The following TNRC18 variants were observed in gnomAD, a reference collection of about 807,000 sequenced individuals.
TNRC18 encodes trinucleotide repeat-containing gene 18 protein.
In TNRC18, 69 loss-of-function variants were observed where a neutral mutation model predicts 226.7. The ratio of observed to expected loss-of-function variants is 0.30; its 90% confidence interval spans 0.25 to 0.37. TNRC18 has a LOEUF of 0.37. TNRC18 is among the 10% of genes least tolerant of loss of function. The pLI, the probability that TNRC18 is intolerant of heterozygous loss-of-function variation, is 1.00. For synonymous variants in TNRC18, 2,449 were observed against 1,927.6 expected (o/e 1.27, Z -7.09); for missense variants, 4,754 against 4,256.6 (o/e 1.12, Z -3.25).
At position 5,307,849 on chromosome 7, in the gene TNRC18, C is replaced by G. The variant is rs978901495; in HGVS notation, c.*257G>C. The G allele has an allele frequency of 9.2e-6, 5 of 545,712 alleles. No homozygotes were observed. The highest frequency in any genetic ancestry group is 1.7e-5 in the Non-Finnish European group (5 of 301,378). The allele number at this position is 545,712 out of a possible 1,614,324, so 33.8% of individuals were successfully genotyped here. On this transcript the variant is annotated 3_prime_UTR_variant, in exon 30 of 30. Coordinates refer to ENST00000430969, the MANE Select transcript of TNRC18 (RefSeq NM_001080495.3). ...GGCAGGAAGGGCCGGTCCGGCCATA[C>G]CCTGATAGCTAAGAGGGGCCCCTGT...
In TNRC18 at chr7:5,370,982, C is replaced by G. The variant is rs1794093635; in HGVS notation, c.3612G>C (p.Gln1204His). ...AGCTCTGCCCGGTGGCACTCAGCGC[C>G]TGGGCCTCCAACAGGCCACCTCCAC... ...GGCGGGLLEA[Q>H]ALSATGQSCA... The change falls in exon 11 of 30, where the codon CAG (glutamine) becomes CAC (histidine). Residue 1204 changes from glutamine (Q) to histidine (H), a missense_variant. Gln to His is a conservative substitution (Grantham distance 24). Coordinates refer to ENST00000430969, the MANE Select transcript of TNRC18 (RefSeq NM_001080495.3). 2.5e-6 allele frequency: 4 copies of G among 1,606,212 alleles called. No homozygotes were observed. Among genetic ancestry groups the G allele is most frequent in the Non-Finnish European group, 3.4e-6 (4 of 1,179,732 alleles).
chr7:5,312,304 G>T lies in TNRC18; in HGVS notation c.8388+199C>A, dbSNP rs1787308292. 6.6e-6 allele frequency among the ~76,000 whole-genome samples: 1 copy of T among 152,182 alleles called. No homozygotes were observed. The highest frequency in any genetic ancestry group is 1.5e-5 in the Non-Finnish European group (1 of 68,032). On this transcript the variant is annotated intron_variant, in intron 27 of 29. Transcript: ENST00000430969. The surrounding 1 kb of genome is among the most constrained non-coding windows in gnomAD (Gnocchi z 6.3). ...GGACCACTCTGCTCTGAAGGACTCG[G>T]GCATCGGAGTCCGACAGACCCAGGT...
intron 2 of TNRC18, among the ~76,000 whole-genome samples, chr7:5,396,909 C>T (rs1269303876): frequency 6.6e-6 from 1 of 152,194 alleles, no homozygotes; most frequent in Non-Finnish European, 1.5e-5. Flanking sequence ...GCTCACTGAC[C>T]GCCTCCCAGG....
intron 19 of TNRC18, among the ~76,000 whole-genome samples, chr7:5,331,762 T>C (rs1255153460): frequency 1.3e-5 from 2 of 152,076 alleles, no homozygotes; most frequent in Non-Finnish European, 2.9e-5. Flanking sequence ...ATTTAAAAAT[T>C]AGCTGGGCAC....
In TNRC18 at chr7:5,370,760, G is replaced by A. The variant is rs747467003; in HGVS notation, c.3834C>T (p.Gly1278=). The change falls in exon 11 of 30, where the codon GGC becomes GGT. Residue 1278 remains glycine (G), a synonymous_variant. Transcript: ENST00000430969. ...ACTCGCTCGGTGCCACCTGCGCCAGGCCTTCCTCGGGCACTGCCTCCACCA... is the reference window on the plus strand; with the variant it reads ...ACTCGCTCGGTGCCACCTGCGCCAGACCTTCCTCGGGCACTGCCTCCACCA... ...VPVVEAVPEE[G]LAQVAPSESQ... is the part of the protein sequence containing the mutation. 2.5e-6 allele frequency: 4 copies of A among 1,603,234 alleles called. No individual in the cohort carries two copies. In the Middle Eastern group the frequency reaches 5.0e-4, roughly 199 times the overall value.
At chr7:5,325,724 ATTTTTT>A (rs66514806) in intron 19 of TNRC18, 5 of 62,854 alleles carry the variant, frequency 8.0e-5, no homozygotes, top group African/African-American at 1.5e-4. Flanking sequence ...GCGCCCTGCA[ATTTTTT>A]TTTTTTTTTT....
At chr7:5,423,221 G>A (rs993255726) in intron 1 of TNRC18, 2 of 152,152 alleles carry the variant, frequency 1.3e-5, no homozygotes, top group African/African-American at 2.4e-5. Context: ...GCGGGGCTGG[G>A]GGCTCGCGTG....
rs151300673 is a variant in TNRC18 at position 5,309,424 on chromosome 7, C to A, written c.8389-56G>T. ...CCTGGCCCAGCCCCAAGGAGCCCGCCGCCTGGCAGGCTCTGCCGCTTGGGA... is the reference window on the plus strand; with the variant it reads ...CCTGGCCCAGCCCCAAGGAGCCCGCAGCCTGGCAGGCTCTGCCGCTTGGGA... On this transcript the variant is annotated intron_variant, in intron 27 of 29. Transcript: ENST00000430969. The surrounding 1 kb of genome is among the most constrained non-coding windows in gnomAD (Gnocchi z 5.7). 2 of 1,499,816 alleles carry A rather than the reference C, an allele frequency of 1.3e-6. No homozygotes were observed. The highest frequency in any genetic ancestry group is 1.8e-6 in the Non-Finnish European group (2 of 1,109,918). 92.9% of individuals were successfully genotyped at this position (1,499,816 alleles called of 1,614,324 possible).
chr7:5,351,586 C>T (rs2128146346), intron 17 of TNRC18, among the ~76,000 whole-genome samples: 1 of 152,268 alleles, frequency 6.6e-6, no homozygotes. Context: ...AAAGAGCCAG[C>T]CGGGGATATT....
intron 16 of TNRC18, among the ~76,000 whole-genome samples, chr7:5,353,561 A>AG (rs774458502): frequency 8.8e-5 from 11 of 124,508 alleles, no homozygotes; most frequent in African/African-American, 3.3e-4. Context: ...CATCATCTAA[A>AG]GAAAAAAAAA....
intron 16 of TNRC18, among the ~76,000 whole-genome samples, chr7:5,355,251 A>G (rs1792231592): frequency 6.6e-6 from 1 of 151,870 alleles, no homozygotes; most frequent in Non-Finnish European, 1.5e-5. Context: ...GGCCATAACC[A>G]TGAGGACGCT....
rs1334617192 is a variant in TNRC18, at chr7:5,388,241, G to A, written c.1583C>T (p.Ala528Val). ...FAATQMAVLA[A>V]QHHHSRAEEE... ...TTCGGCGCGGCTGTGGTGGTGCTGC[G>A]CGGCCAGCACGGCCATCTGCGTGGC... is the stretch of plus-strand genomic sequence containing the variant. Residue 528 changes from alanine (A) to valine (V), a missense_variant, in exon 5 of 30, where the codon GCG (alanine) becomes GTG (valine). Physicochemically the swap from Ala to Val is moderately conservative, Grantham distance 64. Transcript: ENST00000430969. 2.5e-6 allele frequency: 4 copies of A among 1,606,768 alleles called. No homozygotes were observed. The highest frequency in any genetic ancestry group is 2.7e-5 in the African/African-American group (2 of 74,712).
chr7:5,370,046 G>A (rs1454828729), intron 11 of TNRC18, among the ~76,000 whole-genome samples: 4 of 152,180 alleles, frequency 2.6e-5, no homozygotes, highest in East Asian at 1.9e-4. Flanking sequence ...CACAGCGAGC[G>A]ACTCACACCT....
At chr7:5,337,418 A>G (rs1237833355) in intron 18 of TNRC18, among the ~76,000 whole-genome samples, 1 of 151,670 alleles carries the variant, frequency 6.6e-6, no homozygotes, top group Non-Finnish European at 1.5e-5. Flanking sequence ...CAGAAGGCGG[A>G]GGTTGCAGTA....
rs1408974820 is a variant in TNRC18, at chr7:5,313,022, G to GGAGGAGGAGGAT, written c.7857_7868dup (p.Ser2668_Ser2671dup). On this transcript the variant is annotated inframe_insertion, in exon 27 of 30. Coordinates refer to ENST00000430969, the MANE Select transcript of TNRC18 (RefSeq NM_001080495.3). ...AGGAGGATGAGGAGGAGGAGGAGGA[G>GGAGGAGGAGGAT]GAGGAGGAGGATGAGGAGGAGGAGG... The GGAGGAGGAGGAT allele has an allele frequency of 3.6e-6, 3 of 843,306 alleles. No homozygotes were observed. The highest frequency in any genetic ancestry group is 3.8e-6 in the Non-Finnish European group (2 of 527,850). 52.2% of individuals were successfully genotyped at this position (843,306 alleles called of 1,614,324 possible). A position where few individuals can be genotyped will look rare whatever the true frequency, so the allele number is the denominator to read the frequency against.
intron 12 of TNRC18, among the ~76,000 whole-genome samples, chr7:5,362,385 T>C (rs1459554729): frequency 6.6e-6 from 1 of 151,994 alleles, no homozygotes; most frequent in African/African-American, 2.4e-5. Flanking sequence ...GAGCTACATG[T>C]GACCCTGGGC....
At chr7:5,395,968 G>A (rs187642988) in intron 2 of TNRC18, among the ~76,000 whole-genome samples, 193 of 147,482 alleles carry the variant, frequency 1.3e-3, no homozygotes, top group African/African-American at 4.8e-3. Flanking sequence ...CTGCACTCCA[G>A]CCTGGGCGAC....
intron 5 of TNRC18, among the ~76,000 whole-genome samples, chr7:5,384,406 C>A (rs1172507519): frequency 6.6e-6 from 1 of 152,260 alleles, no homozygotes; most frequent in African/African-American, 2.4e-5. Flanking sequence ...CAGCCCCCAA[C>A]CAGTCACCTA....
In TNRC18 at chr7:5,356,519, C is replaced by T. The variant is rs1464584007; in HGVS notation, c.5194+397G>A. On this transcript the variant is annotated intron_variant, in intron 16 of 29. Coordinates refer to ENST00000430969, the MANE Select transcript of TNRC18 (RefSeq NM_001080495.3). ...GGAGTCCGGTCACCTCTAGGACCCTCAAGAGCAGTCGCGCTCCAGGCCTCT... is the reference window on the plus strand; with the variant it reads ...GGAGTCCGGTCACCTCTAGGACCCTTAAGAGCAGTCGCGCTCCAGGCCTCT... 4.6e-5 allele frequency among the ~76,000 whole-genome samples: 7 copies of T among 152,384 alleles called. 1 individual carries two copies. In the East Asian group the frequency reaches 1.3e-3, roughly 29 times the overall value.
Sources: allele counts gnomAD v4.1 joint callset (sites outside exome capture counted in the v4.1 genomes callset), GRCh38; gene constraint gnomAD v4.1.1; non-coding constraint Gnocchi (gnomAD v3.1); transcripts MANE v1.5; gene names NCBI Gene and HGNC (gene_info 2026-07-23, HGNC 2026-07-21).